Variants in BRCA1 observed in about 807,000 individuals in gnomAD.
BRCA1 encodes the protein BRCA1 DNA repair associated.
BRCA1 carries 140 observed loss-of-function variants against 173.7 expected under a neutral mutation model. The observed-to-expected ratio is 0.81, with a 90% CI of 0.70 to 0.93. BRCA1 has a LOEUF of 0.93. Ranked by LOEUF, BRCA1 falls within the 40% of genes least tolerant of loss-of-function variation. The probability of loss-of-function intolerance (pLI) is 0.00; values close to 1 mark genes in which losing one functional copy is unlikely to be tolerated. For missense variants in BRCA1, 1,983 were observed against 2,172.5 expected (o/e 0.91, Z 1.73); for synonymous variants, 662 against 756.0 (o/e 0.88, Z 2.04).
At chr17:43,129,289 G>A (rs1190702194), upstream of BRCA1, among the ~76,000 whole-genome samples, 2 of 152,226 alleles carry the variant, frequency 1.3e-5, no homozygotes, top group African/African-American at 4.8e-5. Flanking sequence ...GCCAGCCAAA[G>A]AGAGTTCCTT....
rs2054426985 is a variant in BRCA1, at chr17:43,100,686, T to TATATATATATA, written c.442-817_442-807dup. Reference sequence around the variant, plus strand: ...TATATATATATATATATAATATATATATATATATATATATATGTAATCCCA... The same window carrying TATATATATATA: ...TATATATATATATATATAATATATATATATATATATAATATATATATATATATGTAATCCCA... On this transcript the variant is annotated intron_variant, in intron 6 of 22. Coordinates refer to ENST00000357654, the MANE Select transcript of BRCA1 (RefSeq NM_007294.4). 6.9e-4 allele frequency among the ~76,000 whole-genome samples: 12 copies of TATATATATATA among 17,434 alleles called. 1 individual carries two copies. Among genetic ancestry groups the TATATATATATA allele is most frequent in the African/African-American group, 1.3e-3 (12 of 9,150 alleles). The allele number at this position is 17,434 out of a possible 152,430, so 11.4% of individuals were successfully genotyped here.
intron 17 of BRCA1, 69 bp from the exon 18 acceptor site, chr17:43,063,442 G>T: frequency 7.6e-7 from 1 of 1,310,118 alleles, no homozygotes; most frequent in Non-Finnish European, 1.1e-6. Flanking sequence ...GAGATAGAGA[G>T]GTCAGCGATT....
chr17:43,156,236 C>CA (rs1157692988), intron 1 of BRCA1, among the ~76,000 whole-genome samples: 2 of 146,528 alleles, frequency 1.4e-5, no homozygotes, highest in African/African-American at 5.1e-5. Context: ...GACTCCATCT[C>CA]AAAAAAAGAA....
rs80358150 is a variant in BRCA1, at chr17:43,057,051, C to T, written c.5277+1G>A. On this transcript the variant is annotated splice_donor_variant, in intron 19 of 22. Coordinates refer to ENST00000357654, the MANE Select transcript of BRCA1 (RefSeq NM_007294.4). LOFTEE classifies it high-confidence loss of function. ...TGTCAACTTGAGGGAGGGAGCTTTA[C>T]CTTTCTGTCCTGGGATTCTCTTGCT... The T allele has an allele frequency of 1.2e-6, 2 of 1,613,882 alleles. No individual in the cohort carries two copies. The highest frequency in any genetic ancestry group is 1.7e-6 in the Non-Finnish European group (2 of 1,179,876).
chr17:43,065,177 T>C (rs2052010841), intron 16 of BRCA1, among the ~76,000 whole-genome samples: 4 of 152,154 alleles, frequency 2.6e-5, no homozygotes, highest in Admixed American at 6.6e-5. Flanking sequence ...GCTTAAGGTA[T>C]CTTAAACTTT....
intron 1 of BRCA1, chr17:43,160,712 C>T (rs2056230738): frequency 6.6e-6 from 1 of 152,030 alleles, no homozygotes; most frequent in Admixed American, 6.5e-5. Flanking sequence ...GGGGTGGTCT[C>T]CTCCCTTATT....
At chr17:43,107,062 A>T (rs1279471246) in intron 3 of BRCA1, among the ~76,000 whole-genome samples, 5 of 126,836 alleles carry the variant, frequency 3.9e-5, no homozygotes, top group South Asian at 2.4e-4. Flanking sequence ...TACCAAGACA[A>T]TTTTTTTTTT....
chr17:43,070,401 C>T (rs996250716), intron 15 of BRCA1, among the ~76,000 whole-genome samples: 1 of 152,072 alleles, frequency 6.6e-6, no homozygotes, highest in Non-Finnish European at 1.5e-5. Context: ...CCATTTCTGG[C>T]ATTAAGGACC....
chr17:43,138,364 G>T (rs1303958200), intron 1 of BRCA1: 12 of 473,368 alleles, frequency 2.5e-5, no homozygotes, highest in Non-Finnish European at 4.6e-5. Flanking sequence ...ACTCCAGGTC[G>T]GTCCCAGGTG....
At chr17:43,152,128 A>G (rs981341096) in intron 1 of BRCA1, among the ~76,000 whole-genome samples, 3 of 152,244 alleles carry the variant, frequency 2.0e-5, no homozygotes, top group African/African-American at 4.8e-5. Flanking sequence ...ACCACCACAT[A>G]CTTTCAAAAT....
intron 1 of BRCA1, among the ~76,000 whole-genome samples, chr17:43,150,096 T>C (rs1166727148): frequency 6.6e-6 from 1 of 152,070 alleles, no homozygotes; most frequent in Non-Finnish European, 1.5e-5. Flanking sequence ...GGCAAGTTTC[T>C]TTTTACTTAA....
intron 6 of BRCA1, among the ~76,000 whole-genome samples, chr17:43,100,620 CAT>C (rs796230530): frequency 0.29 from 3,429 of 11,744 alleles, 693 homozygotes; most frequent in African/African-American, 0.4. Flanking sequence ...ATATATATAA[CAT>C]ATATATATGT....
At position 43,067,500 on chromosome 17, in the gene BRCA1, C is replaced by T. The variant is rs542257356; in HGVS notation, c.5074+108G>A. 634 of 843,196 alleles carry T rather than the reference C, an allele frequency of 7.5e-4. 2 individuals carry two copies. Among genetic ancestry groups the T allele is most frequent in the African/African-American group, 4.2e-4 (25 of 59,302 alleles). The allele number at this position is 843,196 out of a possible 1,614,324, so 52.2% of individuals were successfully genotyped here. A position where few individuals can be genotyped will look rare whatever the true frequency, so the allele number is the denominator to read the frequency against. ...CGATCTCCTAATCTCGTGATCTGCC[C>T]GCCTCGGCCTCCCAAAGTGCTGCGA... is the stretch of plus-strand genomic sequence containing the variant. On this transcript the variant is annotated intron_variant, in intron 16 of 22. Transcript: ENST00000357654.
intron 1 of BRCA1, among the ~76,000 whole-genome samples, chr17:43,142,940 GTA>G (rs1257944802): frequency 6.2e-5 from 9 of 144,930 alleles, no homozygotes; most frequent in East Asian, 5.9e-4. Flanking sequence ...GTGTGTGTGT[GTA>G]TATATATATG....
chr17:43,130,660 C>T (rs1451497809), intron 1 of BRCA1, among the ~76,000 whole-genome samples: 3 of 152,090 alleles, frequency 2.0e-5, no homozygotes, highest in African/African-American at 7.2e-5. Context: ...AAAGAACTTG[C>T]ATATTCATTT....
upstream of BRCA1, chr17:43,125,759 T>G (rs1166943298): frequency 3.2e-5 from 5 of 157,362 alleles, no homozygotes; most frequent in Non-Finnish European, 7.1e-5. Flanking sequence ...CTAATGGAGG[T>G]CTCCAGTTTC....
At chr17:43,128,598 T>G (rs901539555), upstream of BRCA1, among the ~76,000 whole-genome samples, 1 of 152,178 alleles carries the variant, frequency 6.6e-6, no homozygotes, top group Non-Finnish European at 1.5e-5. Context: ...GAGAGAGTCC[T>G]TGGGGTGGTG....
chr17:43,055,520 C>T (rs1436129017), intron 19 of BRCA1, among the ~76,000 whole-genome samples: 2 of 152,216 alleles, frequency 1.3e-5, no homozygotes, highest in Admixed American at 6.5e-5. Flanking sequence ...TGCAGTGGCT[C>T]ATGCCTGTAA....
chr17:43,057,860 A>C (rs1368267725), intron 18 of BRCA1, among the ~76,000 whole-genome samples: 1 of 151,198 alleles, frequency 6.6e-6, no homozygotes, highest in African/African-American at 2.4e-5. Flanking sequence ...AACAAACAAA[A>C]AAACCAAAAA....
Sources: gnomAD v4.1 joint callset for allele counts (sites outside exome capture counted in the v4.1 genomes callset) on GRCh38, gnomAD v4.1.1 for gene constraint, MANE v1.5 for transcripts, NCBI Gene and HGNC (gene_info 2026-07-23, HGNC 2026-07-21) for gene names.